Variants in ANKHD1 observed in about 807,000 individuals in gnomAD.
ANKHD1 encodes the protein ankyrin repeat and KH domain containing 1.
A neutral mutation model predicts 230.5 loss-of-function variants in ANKHD1; 31 were observed. That is an observed-to-expected ratio of 0.13 (90% CI 0.10 to 0.18). ANKHD1 has a LOEUF of 0.18. Ranked by LOEUF, ANKHD1 falls within the 10% of genes least tolerant of loss-of-function variation. The pLI is 1.00. For missense variants in ANKHD1, 2,256 were observed against 3,071.3 expected, an observed-to-expected ratio of 0.73 and a Z score of 6.27; for synonymous variants, 1,074 against 1,117.6, an observed-to-expected ratio of 0.96 and a Z score of 0.78.
At chr5:140,425,065 T>C (rs1772294316) in intron 1 of ANKHD1, among the ~76,000 whole-genome samples, 1 of 152,248 alleles carries the variant, frequency 6.6e-6, no homozygotes, top group South Asian at 2.1e-4. Context: ...TTCCTTCTCC[T>C]GTTTTCAGTT....
intron 1 of ANKHD1, among the ~76,000 whole-genome samples, chr5:140,410,729 C>T (rs976716940): frequency 1.3e-5 from 2 of 152,088 alleles, no homozygotes; most frequent in African/African-American, 2.4e-5. Context: ...ATAATCCTAT[C>T]TCATCTCATT....
At chr5:140,473,484 A>G (rs1195200766) in intron 10 of ANKHD1, among the ~76,000 whole-genome samples, 1 of 151,800 alleles carries the variant, frequency 6.6e-6, no homozygotes, top group Admixed American at 6.6e-5. Flanking sequence ...TCTGTTGCTC[A>G]GGCTGGAATG....
chr5:140,436,627 TCC>T (rs1305343260), intron 2 of ANKHD1, among the ~76,000 whole-genome samples: 1 of 151,788 alleles, frequency 6.6e-6, no homozygotes, highest in African/African-American at 2.4e-5. Flanking sequence ...GCGCCTGTAG[TCC>T]CAGCTACTCA....
At chr5:140,479,895 G>A (rs760383645) in intron 10 of ANKHD1, among the ~76,000 whole-genome samples, 13 of 146,662 alleles carry the variant, frequency 8.9e-5, no homozygotes, top group Non-Finnish European at 2.0e-4. Context: ...GTATATAATG[G>A]GAATCAATGT....
intron 10 of ANKHD1, among the ~76,000 whole-genome samples, chr5:140,474,409 C>T (rs911630591): frequency 7.9e-5 from 12 of 152,234 alleles, no homozygotes; most frequent in Non-Finnish European, 1.6e-4. Flanking sequence ...GACATTGCCT[C>T]TGTGGTATAG....
intron 5 of ANKHD1, among the ~76,000 whole-genome samples, chr5:140,441,444 T>C (rs1395029661): frequency 6.6e-6 from 1 of 152,118 alleles, no homozygotes; most frequent in African/African-American, 2.4e-5. Context: ...TGAAGGACAT[T>C]ATGCTAAGTG....
At chr5:140,436,707 T>C (rs1561718333) in intron 2 of ANKHD1, among the ~76,000 whole-genome samples, 1 of 144,056 alleles carries the variant, frequency 6.9e-6, no homozygotes, top group Admixed American at 7.1e-5. Flanking sequence ...GATCATGCCA[T>C]AGCACTCCAT....
In ANKHD1 at chr5:140,458,945, C is replaced by CATATAT. The variant is rs540544442; in HGVS notation, c.1480+112_1480+117dup. 6.4e-3 allele frequency: 533 copies of CATATAT among 83,656 alleles called. 17 individuals carry two copies. The highest frequency in any genetic ancestry group is 8.2e-3 in the African/African-American group (141 of 17,138). The allele number at this position is 83,656 out of a possible 1,614,324, so 5.2% of individuals were successfully genotyped here. A position where few individuals can be genotyped will look rare whatever the true frequency, so the allele number is the denominator to read the frequency against. ...TACTGGTGAAGTTTACTACAGCTAG[C>CATATAT]ATATATATATATATATATATATATA... On this transcript the variant is annotated intron_variant, in intron 8 of 33. Transcript: ENST00000360839.
At chr5:140,469,958 T>C (rs1435691798) in intron 10 of ANKHD1, among the ~76,000 whole-genome samples, 1 of 152,070 alleles carries the variant, frequency 6.6e-6, no homozygotes, top group East Asian at 1.9e-4. Flanking sequence ...TTGATTTGAA[T>C]TTATTCTCCC....
chr5:140,441,266 A>G, intron 5 of ANKHD1, 124 bp downstream of exon 5: 1 of 1,237,128 alleles, frequency 8.1e-7, no homozygotes, highest in East Asian at 3.0e-5. Flanking sequence ...GCCCTTGTGT[A>G]GAATCTTTGA....
Position 140,485,259 on chromosome 5 carries a change from TAAA to T in ANKHD1, c.1998+14_1998+16del. 1.2e-6 allele frequency: 2 copies of T among 1,605,052 alleles called. No homozygotes were observed. The highest frequency in any genetic ancestry group is 1.7e-6 in the Non-Finnish European group (2 of 1,173,438). The stretch of plus-strand genomic sequence containing the variant: ...ACTCATCGACTCAAGGTAGTCTACT[TAAA>T]AATAAGTAAACAGGCTGTGTGCGGT... On this transcript the variant is annotated intron_variant, in intron 12 of 33. Coordinates refer to ENST00000360839, the MANE Select transcript of ANKHD1 (RefSeq NM_017747.3). The surrounding 1 kb of genome is among the most constrained non-coding windows in gnomAD (Gnocchi z 4.8).
At position 140,440,880 on chromosome 5, in the gene ANKHD1, G is replaced by A. The variant is rs1010009872; in HGVS notation, c.766-115G>A. On this transcript the variant is annotated intron_variant, in intron 4 of 33. Coordinates refer to ENST00000360839, the MANE Select transcript of ANKHD1 (RefSeq NM_017747.3). ...ATAATTTTTTCAAAAGGTCATTATT[G>A]ATTTTTTCCCACCCCTATTCTAGAA... The A allele has an allele frequency of 3.1e-5, 40 of 1,283,894 alleles. No individual in the cohort carries two copies. In the South Asian group the frequency reaches 5.5e-4, roughly 18 times the overall value. 79.5% of individuals were successfully genotyped at this position (1,283,894 alleles called of 1,614,324 possible).
At chr5:140,466,221 G>A in intron 10 of ANKHD1, among the ~76,000 whole-genome samples, 1 of 151,938 alleles carries the variant, frequency 6.6e-6, no homozygotes. Context: ...GTGAAACCCT[G>A]TCTCTACCAA....
At position 140,414,236 on chromosome 5, in the gene ANKHD1, T is replaced by G. The variant is rs566936353; in HGVS notation, c.306+11963T>G. ...GAAATGGAATTGCTGGATCATATGG[T>G]AATTCTATTTTTAATTTTTTGAGGA... On this transcript the variant is annotated intron_variant, in intron 1 of 33. Coordinates refer to ENST00000360839, the MANE Select transcript of ANKHD1 (RefSeq NM_017747.3). 5.9e-5 allele frequency among the ~76,000 whole-genome samples: 9 copies of G among 152,348 alleles called. No individual in the cohort carries two copies. The South Asian group carries it at 1.9e-3, about 32-fold the overall frequency.
In ANKHD1 at chr5:140,527,815, C is replaced by G. The variant is rs1250514677; in HGVS notation, c.5088-58C>G. 3 of 1,534,314 alleles carry G rather than the reference C, an allele frequency of 2.0e-6. No homozygotes were observed. The highest frequency in any genetic ancestry group is 8.8e-7 in the Non-Finnish European group (1 of 1,138,232). On this transcript the variant is annotated intron_variant, in intron 27 of 33. Coordinates refer to ENST00000360839, the MANE Select transcript of ANKHD1 (RefSeq NM_017747.3). The surrounding 1 kb of genome is among the most constrained non-coding windows in gnomAD (Gnocchi z 4.5). Reference sequence around the variant, plus strand: ...TCCATGAACATACTTACTAAGACATCTTTCTTAATAAAGAGACATTTAATT... The same window carrying G: ...TCCATGAACATACTTACTAAGACATGTTTCTTAATAAAGAGACATTTAATT...
chr5:140,415,394 AAG>A (rs1491037986), intron 1 of ANKHD1, among the ~76,000 whole-genome samples: 2 of 151,864 alleles, frequency 1.3e-5, no homozygotes, highest in African/African-American at 2.4e-5. Context: ...GAAAAAAAAA[AAG>A]AGTTTTATAG....
chr5:140,530,933 T>C (rs908286817), intron 29 of ANKHD1, among the ~76,000 whole-genome samples: 2 of 152,268 alleles, frequency 1.3e-5, no homozygotes, highest in African/African-American at 4.8e-5. Context: ...TGTTTCCATT[T>C]ACTTGTCTTT....
chr5:140,403,811 G>C (rs768602247), intron 1 of ANKHD1, among the ~76,000 whole-genome samples: 1 of 152,194 alleles, frequency 6.6e-6, no homozygotes, highest in Non-Finnish European at 1.5e-5. Flanking sequence ...TCTGGTCTTG[G>C]TGTTAAAGTA....
rs1164425228 is a variant in ANKHD1 at position 140,485,865 on chromosome 5, A to G, written c.2142+133A>G. 1.1e-5 allele frequency: 15 copies of G among 1,305,942 alleles called. No homozygotes were observed. Among genetic ancestry groups the G allele is most frequent in the Non-Finnish European group, 1.6e-5 (15 of 965,884 alleles). The allele number at this position is 1,305,942 out of a possible 1,614,324, so 80.9% of individuals were successfully genotyped here. ...TACATATTGAGAAAATCATGACTCTAAATTCTTTAGGATTTATTTTCTTTA... is the reference window on the plus strand; with the variant it reads ...TACATATTGAGAAAATCATGACTCTGAATTCTTTAGGATTTATTTTCTTTA... On this transcript the variant is annotated intron_variant, in intron 13 of 33. Transcript: ENST00000360839. The surrounding 1 kb of genome is among the most constrained non-coding windows in gnomAD (Gnocchi z 4.8).
Sources: allele counts gnomAD v4.1 joint callset (sites outside exome capture counted in the v4.1 genomes callset), GRCh38; gene constraint gnomAD v4.1.1; non-coding constraint Gnocchi (gnomAD v3.1); transcripts MANE v1.5; gene names NCBI Gene and HGNC (gene_info 2026-07-23, HGNC 2026-07-21).